IL1RAPL1: variants seen among roughly 807,000 people sequenced by gnomAD.
The protein encoded by IL1RAPL1 is interleukin-1 receptor accessory protein-like 1.
IL1RAPL1 carries 3 observed loss-of-function variants against 48.4 expected under a neutral mutation model. The ratio of observed to expected loss-of-function variants is 0.06; its 90% CI spans 0.03 to 0.16. IL1RAPL1 has a LOEUF of 0.16. IL1RAPL1 is among the 10% of genes least tolerant of loss of function. IL1RAPL1 has a pLI of 1.00. For synonymous variants in IL1RAPL1, 185 were observed against 187.7 expected (o/e 0.99, Z 0.12); for missense variants, 349 against 530.6 (o/e 0.66, Z 3.36).
At chrX:28,966,748 C>T (rs1349150041) in intron 2 of IL1RAPL1, among the ~76,000 whole-genome samples, 6 of 111,814 alleles carry the variant, frequency 5.4e-5, no homozygotes, top group Admixed American at 9.5e-5. Flanking sequence ...TTAATGTAAA[C>T]GTCTACATTA....
At chrX:29,601,916 A>G (rs1410002576) in intron 5 of IL1RAPL1, among the ~76,000 whole-genome samples, 1 of 111,977 alleles carries the variant, frequency 8.9e-6, no homozygotes, top group Non-Finnish European at 1.9e-5. Flanking sequence ...CAAACCTAGA[A>G]TTTGGTTTCT....
intron 1 of IL1RAPL1, among the ~76,000 whole-genome samples, chrX:28,742,552 T>C (rs1056905590): frequency 8.9e-6 from 1 of 111,910 alleles, no homozygotes; most frequent in Non-Finnish European, 1.9e-5. Context: ...GAAAACACAA[T>C]GGATGTTCTA....
chrX:28,598,329 A>T (rs1051211198), intron 1 of IL1RAPL1, among the ~76,000 whole-genome samples: 18 of 112,159 alleles, frequency 1.6e-4, no homozygotes, highest in Admixed American at 2.8e-4. Context: ...TTTCTTATCA[A>T]ATACTTTATC....
chrX:28,725,016 A>G (rs936546661), intron 1 of IL1RAPL1, among the ~76,000 whole-genome samples: 3 of 104,995 alleles, frequency 2.9e-5, no homozygotes, highest in African/African-American at 1.1e-4. Context: ...CAGTGATGCA[A>G]TCTCGGCTCA....
chrX:29,176,057 T>C lies in IL1RAPL1; in HGVS notation c.83-106881T>C, dbSNP rs1236963571. ...CTCAGCCCTGGAGTTTCTGATACCG[T>C]AGGTCTGGGGTAGAGTTTGGTAATT... is the stretch of plus-strand genomic sequence containing the variant. On this transcript the variant is annotated intron_variant, in intron 2 of 10. Transcript: ENST00000378993. Among the ~76,000 whole-genome samples the C allele has an allele frequency of 5.7e-5, 6 of 105,747 alleles. No homozygotes were observed. In the South Asian group the frequency reaches 2.1e-3, roughly 38 times the overall value. 91.8% of individuals were successfully genotyped at this position (105,747 alleles called of 115,157 possible). A position where few individuals can be genotyped will look rare whatever the true frequency, so the allele number is the denominator to read the frequency against.
chrX:28,808,011 C>A (rs996879328), intron 2 of IL1RAPL1, among the ~76,000 whole-genome samples: 15 of 110,815 alleles, frequency 1.4e-4, no homozygotes, highest in African/African-American at 4.9e-4. Flanking sequence ...TATGTAAGGA[C>A]AGAGTAGAGA....
At chrX:29,009,755 T>C (rs1926080135) in intron 2 of IL1RAPL1, among the ~76,000 whole-genome samples, 1 of 112,154 alleles carries the variant, frequency 8.9e-6, no homozygotes. Flanking sequence ...TTTGGTTCCA[T>C]ATAAATTCTG....
At chrX:29,893,393 G>T (rs1312177549) in intron 6 of IL1RAPL1, among the ~76,000 whole-genome samples, 1 of 111,229 alleles carries the variant, frequency 9.0e-6, no homozygotes, top group African/African-American at 3.3e-5. Flanking sequence ...GTTGACTGGA[G>T]CACCAAAATC....
chrX:29,829,820 A>G (rs759914962), intron 6 of IL1RAPL1, among the ~76,000 whole-genome samples: 1 of 112,115 alleles, frequency 8.9e-6, no homozygotes, highest in East Asian at 2.8e-4. Context: ...TGAGAATAAC[A>G]TACCTTGCTA....
intron 5 of IL1RAPL1, among the ~76,000 whole-genome samples, chrX:29,639,030 C>G (rs1265461358): frequency 1.8e-5 from 2 of 110,398 alleles, no homozygotes; most frequent in African/African-American, 6.6e-5. Context: ...ACTAAAAATA[C>G]GAAACATTAG....
At chrX:29,952,872 G>C (rs934054242) in intron 9 of IL1RAPL1, among the ~76,000 whole-genome samples, 7 of 111,979 alleles carry the variant, frequency 6.3e-5, no homozygotes, top group African/African-American at 2.3e-4. Flanking sequence ...GTATCCTATA[G>C]TGAAGTTGTT....
At chrX:29,511,188 C>T (rs1569327641) in intron 5 of IL1RAPL1, among the ~76,000 whole-genome samples, 1 of 112,012 alleles carries the variant, frequency 8.9e-6, no homozygotes, top group Non-Finnish European at 1.9e-5. Flanking sequence ...GACTATAAAC[C>T]TCTTTATAGC....
chrX:29,026,807 T>G (rs1926496574), intron 2 of IL1RAPL1, among the ~76,000 whole-genome samples: 1 of 111,793 alleles, frequency 8.9e-6, no homozygotes, highest in Non-Finnish European at 1.9e-5. Flanking sequence ...TGTATCAAAA[T>G]AATGTAGGGA....
At chrX:29,242,541 G>GCTCATTCAT (rs1215418452) in intron 2 of IL1RAPL1, among the ~76,000 whole-genome samples, 1 of 112,234 alleles carries the variant, frequency 8.9e-6, no homozygotes, top group African/African-American at 3.2e-5. Flanking sequence ...ATAACTTGAG[G>GCTCATTCAT]CTCATTCATT....
At chrX:29,887,021 C>T (rs1303223609) in intron 6 of IL1RAPL1, among the ~76,000 whole-genome samples, 1 of 111,608 alleles carries the variant, frequency 9.0e-6, no homozygotes, top group African/African-American at 3.3e-5. Context: ...TGTTACTAAT[C>T]CCAACCAATG....
In IL1RAPL1 at chrX:29,361,465, T is replaced by C. The variant is rs368813999; in HGVS notation, c.363-34793T>C. 6.3e-5 allele frequency among the ~76,000 whole-genome samples: 7 copies of C among 110,796 alleles called. No homozygotes were observed. The East Asian group carries it at 1.7e-3, about 27-fold the overall frequency. ...TATAAGCTAAACTAATTGTATTTAT[T>C]TCCATAAATTACATCTGGCCTTCCT... On this transcript the variant is annotated intron_variant, in intron 3 of 10. Coordinates refer to ENST00000378993, the MANE Select transcript of IL1RAPL1 (RefSeq NM_014271.4).
chrX:28,890,731 G>A (rs1348555409), intron 2 of IL1RAPL1, among the ~76,000 whole-genome samples: 1 of 111,710 alleles, frequency 9.0e-6, no homozygotes, highest in Non-Finnish European at 1.9e-5. Flanking sequence ...CCTCATAGGA[G>A]ATATTAGTTG....
chrX:29,468,843 C>T (rs1934891440), intron 5 of IL1RAPL1, among the ~76,000 whole-genome samples: 1 of 111,779 alleles, frequency 8.9e-6, no homozygotes. Context: ...ATGAGAACTG[C>T]TCAGTTTAAA....
At chrX:29,618,316 A>G (rs5971611) in intron 5 of IL1RAPL1, among the ~76,000 whole-genome samples, 40,544 of 110,800 alleles carry the variant, frequency 0.37, 5,726 homozygotes, top group African/African-American at 0.52. Flanking sequence ...ACTTTCAAAT[A>G]TTTATATCTT....
Sources: allele counts gnomAD v4.1 joint callset (sites outside exome capture counted in the v4.1 genomes callset), GRCh38; gene constraint gnomAD v4.1.1; transcripts MANE v1.5; gene names NCBI Gene and HGNC (gene_info 2026-07-23, HGNC 2026-07-21).